The following LCLAT1 variants were observed in gnomAD, a reference collection of about 807,000 sequenced individuals.
The protein encoded by LCLAT1 is lysocardiolipin acyltransferase 1.
In LCLAT1, 11 loss-of-function variants were observed where a neutral mutation model predicts 30.7. The observed-to-expected ratio is 0.36, with a 90% CI of 0.23 to 0.59. The LOEUF (loss-of-function observed/expected upper bound fraction) is 0.59, where lower values mean the gene tolerates loss of function less well. LCLAT1 is among the 20% of genes least tolerant of loss of function. The pLI, the probability that LCLAT1 is intolerant of heterozygous loss-of-function variation, is 0.77. For missense variants in LCLAT1, 402 were observed against 458.6 expected (o/e 0.88, Z 1.13); for synonymous variants, 155 against 151.3 (o/e 1.02, Z -0.18).
chr2:30,575,224 A>C (rs961718912), intron 5 of LCLAT1, among the ~76,000 whole-genome samples: 1 of 150,716 alleles, frequency 6.6e-6, no homozygotes, highest in African/African-American at 2.4e-5. Flanking sequence ...TACTCTATAC[A>C]TTTCTGTTAA....
intron 1 of LCLAT1, among the ~76,000 whole-genome samples, chr2:30,490,471 G>A (rs552981367): frequency 3.9e-5 from 6 of 152,202 alleles, no homozygotes; most frequent in South Asian, 2.1e-4. Context: ...GATTATAGGC[G>A]TGAGCCACTG....
At chr2:30,609,715 CAT>C (rs1667639520) in intron 5 of LCLAT1, among the ~76,000 whole-genome samples, 1 of 152,146 alleles carries the variant, frequency 6.6e-6, no homozygotes, top group Non-Finnish European at 1.5e-5. Flanking sequence ...CCTTTGAACT[CAT>C]AGTGTTCATT....
chr2:30,640,764 T>A lies in LCLAT1; in HGVS notation c.*145T>A. 1.9e-6 allele frequency: 2 copies of A among 1,051,214 alleles called. No individual in the cohort carries two copies. Among genetic ancestry groups the A allele is most frequent in the Admixed American group, 6.1e-5 (2 of 32,776 alleles). 65.1% of individuals were successfully genotyped at this position (1,051,214 alleles called of 1,614,324 possible). A position where few individuals can be genotyped will look rare whatever the true frequency, so the allele number is the denominator to read the frequency against. The stretch of plus-strand genomic sequence containing the variant: ...GTTAAAGATATTTTGCACTTAATTT[T>A]GTGGGAAAAATATTGCTACAATTTT... On this transcript the variant is annotated 3_prime_UTR_variant, in exon 6 of 6. Transcript: ENST00000379509.
chr2:30,595,113 G>A (rs1285182283), intron 5 of LCLAT1, among the ~76,000 whole-genome samples: 1 of 151,930 alleles, frequency 6.6e-6, no homozygotes, highest in Admixed American at 6.6e-5. Flanking sequence ...GTTGAAACTT[G>A]AATCAGTTTT....
chr2:30,513,872 A>G (rs543936500), intron 1 of LCLAT1, among the ~76,000 whole-genome samples: 7 of 152,346 alleles, frequency 4.6e-5, no homozygotes, highest in African/African-American at 1.7e-4. Flanking sequence ...TGTTCATCTT[A>G]CATGTGTTGA....
intron 1 of LCLAT1, among the ~76,000 whole-genome samples, chr2:30,497,952 C>T (rs1011905232): frequency 2.6e-5 from 4 of 152,254 alleles, no homozygotes; most frequent in South Asian, 2.1e-4. Context: ...TATTGGAAAC[C>T]GTTCAGGATT....
At chr2:30,560,782 T>G (rs1472640195) in intron 3 of LCLAT1, among the ~76,000 whole-genome samples, 3 of 152,338 alleles carry the variant, frequency 2.0e-5, no homozygotes, top group African/African-American at 7.2e-5. Flanking sequence ...AATAAGAGTT[T>G]ATTATTCCTC....
At chr2:30,468,001 T>C (rs1055744593) in intron 1 of LCLAT1, among the ~76,000 whole-genome samples, 8 of 152,228 alleles carry the variant, frequency 5.3e-5, no homozygotes, top group African/African-American at 1.7e-4. Context: ...GTTTTAGACA[T>C]GAAGTCCTTG....
chr2:30,562,047 A>G, intron 3 of LCLAT1, 99 bp from the exon 4 acceptor site: 1 of 734,954 alleles, frequency 1.4e-6, no homozygotes, highest in Non-Finnish European at 2.1e-6. Context: ...AATAATAAAT[A>G]ATATATAGTA....
At chr2:30,585,175 C>G (rs1050606344) in intron 5 of LCLAT1, among the ~76,000 whole-genome samples, 1 of 151,984 alleles carries the variant, frequency 6.6e-6, no homozygotes, top group South Asian at 2.1e-4. Flanking sequence ...GACTCCATGC[C>G]TCTTCCTTGT....
intron 1 of LCLAT1, among the ~76,000 whole-genome samples, chr2:30,493,819 G>A (rs1683963002): frequency 6.6e-6 from 1 of 152,060 alleles, no homozygotes; most frequent in South Asian, 2.1e-4. Context: ...ATAAGGTAGT[G>A]GTCATGAAAG....
intron 5 of LCLAT1, among the ~76,000 whole-genome samples, chr2:30,616,642 C>T (rs1268030250): frequency 6.6e-6 from 1 of 152,020 alleles, no homozygotes. Flanking sequence ...TTATTTGTGA[C>T]CCTGAAGGAA....
intron 1 of LCLAT1, among the ~76,000 whole-genome samples, chr2:30,460,486 G>A (rs537715595): frequency 8.6e-5 from 13 of 151,880 alleles, no homozygotes; most frequent in African/African-American, 2.9e-4. Flanking sequence ...TTATGCTTGC[G>A]TTACTTCAGT....
At chr2:30,554,002 A>G (rs920217707) in intron 3 of LCLAT1, among the ~76,000 whole-genome samples, 13 of 150,144 alleles carry the variant, frequency 8.7e-5, no homozygotes, top group African/African-American at 3.1e-4. Flanking sequence ...ATCAAATGGA[A>G]AAAAACCCAA....
intron 1 of LCLAT1, among the ~76,000 whole-genome samples, chr2:30,465,155 TC>T (rs1558454439): frequency 1.3e-5 from 2 of 152,206 alleles, no homozygotes; most frequent in Non-Finnish European, 2.9e-5. Flanking sequence ...GATCTTGATG[TC>T]TAGGGCACTT....
chr2:30,482,216 C>G (rs1303618337), intron 1 of LCLAT1, among the ~76,000 whole-genome samples: 2 of 152,140 alleles, frequency 1.3e-5, no homozygotes, highest in Non-Finnish European at 2.9e-5. Flanking sequence ...TGTACATGTT[C>G]TTGTTCTAAA....
intron 3 of LCLAT1, among the ~76,000 whole-genome samples, chr2:30,555,903 T>G (rs1664896812): frequency 6.7e-6 from 1 of 149,908 alleles, no homozygotes; most frequent in South Asian, 2.1e-4. Context: ...ACTGGCGCGA[T>G]CTGGGCTCAC....
intron 1 of LCLAT1, among the ~76,000 whole-genome samples, chr2:30,510,705 C>T (rs1378385781): frequency 6.6e-6 from 1 of 152,162 alleles, no homozygotes; most frequent in Non-Finnish European, 1.5e-5. Context: ...CCTTGTATTA[C>T]TGGCATATGG....
intron 5 of LCLAT1, among the ~76,000 whole-genome samples, chr2:30,637,950 T>G (rs2148536951): frequency 6.6e-6 from 1 of 152,312 alleles, no homozygotes; most frequent in South Asian, 2.1e-4. Context: ...TGAAGCTTTC[T>G]TCAGTGAGGC....
Sources: gnomAD v4.1 joint callset for allele counts (sites outside exome capture counted in the v4.1 genomes callset) on GRCh38, gnomAD v4.1.1 for gene constraint, MANE v1.5 for transcripts, NCBI Gene and HGNC (gene_info 2026-07-23, HGNC 2026-07-21) for gene names.